Variants in TRDN observed in about 807,000 individuals in gnomAD.
TRDN encodes the protein triadin.
TRDN carries 161 observed loss-of-function variants against 149.7 expected under a neutral mutation model. The observed-to-expected ratio is 1.08, with a 90% confidence interval of 0.95 to 1.23. The LOEUF (loss-of-function observed/expected upper bound fraction) is 1.23, where lower values mean the gene tolerates loss of function less well. Ranked by LOEUF, TRDN falls within the 50% of genes most tolerant of loss-of-function variation. The probability of loss-of-function intolerance (pLI) is 0.00; values close to 1 mark genes in which losing one functional copy is unlikely to be tolerated. For synonymous variants in TRDN, 294 were observed against 250.5 expected, an observed-to-expected ratio of 1.17 and a Z score of -1.64; for missense variants, 896 against 823.5, an observed-to-expected ratio of 1.09 and a Z score of -1.08.
At chr6:123,312,897 A>G (rs982699385) in intron 24 of TRDN, among the ~76,000 whole-genome samples, 3 of 152,002 alleles carry the variant, frequency 2.0e-5, no homozygotes, top group African/African-American at 7.2e-5. Context: ...TATATCACTA[A>G]GCACAACTCT....
At position 123,357,558 on chromosome 6, in the gene TRDN, C is replaced by T. The variant is rs538301649; in HGVS notation, c.1322-4972G>A. Among the ~76,000 whole-genome samples, 180 of 152,164 alleles carry T rather than the reference C, an allele frequency of 1.2e-3. 2 individuals are homozygous for T. Among genetic ancestry groups the T allele is most frequent in the Non-Finnish European group, 2.2e-3 (148 of 67,962 alleles). ...ACTTTACAATGTACGCTATAAGAGGCTAGTAAGATGTGTAGTGCCTGAGTC... is the reference window on the plus strand; with the variant it reads ...ACTTTACAATGTACGCTATAAGAGGTTAGTAAGATGTGTAGTGCCTGAGTC... On this transcript the variant is annotated intron_variant, in intron 20 of 40. Coordinates refer to ENST00000334268, the MANE Select transcript of TRDN (RefSeq NM_006073.4).
chr6:123,481,527 A>G (rs1218628568), intron 9 of TRDN, among the ~76,000 whole-genome samples: 3 of 151,910 alleles, frequency 2.0e-5, no homozygotes, highest in African/African-American at 7.3e-5. Context: ...AAAATTCTAT[A>G]ATTTCCCCTG....
chr6:123,585,317 A>G (rs907719005), intron 1 of TRDN, among the ~76,000 whole-genome samples: 3 of 151,858 alleles, frequency 2.0e-5, no homozygotes, highest in Non-Finnish European at 2.9e-5. Flanking sequence ...TTAAAAGAGT[A>G]TTGTCTAATT....
chr6:123,538,479 A>G (rs1307914358), intron 4 of TRDN, among the ~76,000 whole-genome samples: 1 of 152,128 alleles, frequency 6.6e-6, no homozygotes, highest in South Asian at 2.1e-4. Flanking sequence ...ATTGGTAAAC[A>G]AATATTTCTG....
intron 4 of TRDN, among the ~76,000 whole-genome samples, chr6:123,531,254 G>A (rs1183138509): frequency 6.6e-6 from 1 of 151,998 alleles, no homozygotes; most frequent in Non-Finnish European, 1.5e-5. Context: ...TGAGATTAGA[G>A]TTTACAAATA....
chr6:123,548,760 CGCA>C (rs1781244993), intron 2 of TRDN, 148 bp from the exon 3 acceptor site: 2 of 719,548 alleles, frequency 2.8e-6, no homozygotes, highest in Admixed American at 8.5e-5. Context: ...CAATTTTTTG[CGCA>C]GAAATAGAAA....
chr6:123,298,300 T>C lies in TRDN; in HGVS notation c.1510+18157A>G, dbSNP rs115927626. 1.0e-3 allele frequency among the ~76,000 whole-genome samples: 158 copies of C among 152,178 alleles called. 1 individual carries two copies. Among genetic ancestry groups the C allele is most frequent in the African/African-American group, 3.7e-3 (152 of 41,566 alleles). ...ACTTGTTTATTTCTTCCTCCATTTCTGCCTTCATTGTAGCCTCAAATATAT... is the reference window on the plus strand; with the variant it reads ...ACTTGTTTATTTCTTCCTCCATTTCCGCCTTCATTGTAGCCTCAAATATAT... On this transcript the variant is annotated intron_variant, in intron 24 of 40. Transcript: ENST00000334268.
At chr6:123,370,240 G>T (rs1299160438) in intron 19 of TRDN, among the ~76,000 whole-genome samples, 3 of 151,634 alleles carry the variant, frequency 2.0e-5, no homozygotes, top group South Asian at 2.1e-4. Context: ...TCTATATTTT[G>T]TAATAATTAT....
chr6:123,586,139 G>A (rs62419192), intron 1 of TRDN, among the ~76,000 whole-genome samples: 43,911 of 151,936 alleles, frequency 0.29, 6,844 homozygotes, highest in East Asian at 0.54. Context: ...TTTGGGAGAG[G>A]TCTGATAAAG....
chr6:123,436,277 C>T (rs991613283), intron 12 of TRDN, among the ~76,000 whole-genome samples: 5 of 151,998 alleles, frequency 3.3e-5, no homozygotes, highest in African/African-American at 1.2e-4. Context: ...TGATAAAATA[C>T]ATATTTCATC....
intron 10 of TRDN, among the ~76,000 whole-genome samples, chr6:123,460,495 G>A (rs1042005314): frequency 2.0e-5 from 3 of 151,928 alleles, no homozygotes; most frequent in Admixed American, 6.6e-5. Flanking sequence ...TAACTAAAGG[G>A]CAATCCTATT....
chr6:123,393,424 C>A (rs1180402920), intron 13 of TRDN, among the ~76,000 whole-genome samples, 200 bp downstream of exon 13: 3 of 152,014 alleles, frequency 2.0e-5, no homozygotes, highest in African/African-American at 7.2e-5. Flanking sequence ...AGTTCCTCTG[C>A]AAATTTGGCA....
intron 31 of TRDN, among the ~76,000 whole-genome samples, chr6:123,269,623 A>C (rs1777135575): frequency 6.6e-6 from 1 of 151,928 alleles, no homozygotes; most frequent in Non-Finnish European, 1.5e-5. Flanking sequence ...TTAATTATTA[A>C]TCATTAATTG....
intron 35 of TRDN, among the ~76,000 whole-genome samples, chr6:123,257,546 C>T (rs986831385): frequency 2.0e-5 from 3 of 152,080 alleles, no homozygotes; most frequent in Admixed American, 2.0e-4. Context: ...GTTACTGTAG[C>T]TTTGTAGTAT....
At chr6:123,422,662 A>G (rs1242255382) in intron 12 of TRDN, among the ~76,000 whole-genome samples, 33 of 152,306 alleles carry the variant, frequency 2.2e-4, no homozygotes. Flanking sequence ...TTAAAAAATT[A>G]TTGAATGGAA....
At chr6:123,529,432 A>G in intron 5 of TRDN, 2 of 1,306,686 alleles carry the variant, frequency 1.5e-6, no homozygotes, top group Non-Finnish European at 2.2e-6. Flanking sequence ...TGACCAATCT[A>G]GAATGAATTC....
chr6:123,278,320 G>T lies in TRDN; in HGVS notation c.1565C>A (p.Pro522Gln). ...PQLQGKKEEK[P>Q]EPQIKKEAKP... ...GTGTATAAATAAAATATACATACCT[G>T]GCTTCTCTTCCTTTTTTCCTTGTAG... Residue 522 changes from proline (P) to glutamine (Q), a missense_variant and splice_region_variant, in exon 26 of 41, where the codon CCA becomes CAA. Coordinates refer to ENST00000334268, the MANE Select transcript of TRDN (RefSeq NM_006073.4). The T allele has an allele frequency of 7.7e-7, 1 of 1,291,384 alleles. No individual in the cohort carries two copies. Among genetic ancestry groups the T allele is most frequent in the South Asian group, 1.4e-5 (1 of 69,880 alleles). 80.0% of individuals were successfully genotyped at this position (1,291,384 alleles called of 1,614,324 possible).
At chr6:123,337,866 G>A (rs1314976762) in intron 21 of TRDN, among the ~76,000 whole-genome samples, 197 bp from the exon 22 acceptor site, 1 of 152,046 alleles carries the variant, frequency 6.6e-6, no homozygotes, top group East Asian at 1.9e-4. Context: ...ATAAGCCCAT[G>A]AATTTCTATC....
intron 1 of TRDN, among the ~76,000 whole-genome samples, chr6:123,583,010 A>C (rs919580296): frequency 1.3e-5 from 2 of 152,162 alleles, no homozygotes; most frequent in Non-Finnish European, 2.9e-5. Flanking sequence ...TGAATTGAAA[A>C]ACTAAACGGA....
Sources: allele counts gnomAD v4.1 joint callset (sites outside exome capture counted in the v4.1 genomes callset), GRCh38; gene constraint gnomAD v4.1.1; transcripts MANE v1.5; gene names NCBI Gene and HGNC (gene_info 2026-07-23, HGNC 2026-07-21).